Variants in PRKG1 observed in about 807,000 individuals in gnomAD.
The protein encoded by PRKG1 is cGMP-dependent protein kinase 1.
A neutral mutation model predicts 88.1 loss-of-function variants in PRKG1; 35 were observed. The ratio of observed to expected loss-of-function variants is 0.40; its 90% CI spans 0.30 to 0.53. The LOEUF (loss-of-function observed/expected upper bound fraction) is 0.53, where lower values mean the gene tolerates loss of function less well. Ranked by LOEUF, PRKG1 falls within the 20% of genes least tolerant of loss-of-function variation. PRKG1 has a pLI of 0.59. For synonymous variants in PRKG1, 303 were observed against 292.5 expected, an observed-to-expected ratio of 1.04 and a Z score of -0.37; for missense variants, 540 against 839.8, an observed-to-expected ratio of 0.64 and a Z score of 4.41.
intron 5 of PRKG1, chr10:51,909,407 G>A (rs545635069): frequency 6.6e-6 from 1 of 151,908 alleles, no homozygotes; most frequent in Admixed American, 6.5e-5. Context: ...ATAAAACCAT[G>A]AATCGATCTT....
intron 2 of PRKG1, among the ~76,000 whole-genome samples, chr10:51,440,647 G>A (rs948025218): frequency 6.6e-6 from 1 of 151,930 alleles, no homozygotes; most frequent in Non-Finnish European, 1.5e-5. Flanking sequence ...TAGAGTTTGT[G>A]ATCATTATAA....
At chr10:51,933,811 G>T (rs1003622720) in intron 5 of PRKG1, among the ~76,000 whole-genome samples, 6 of 152,016 alleles carry the variant, frequency 3.9e-5, no homozygotes, top group African/African-American at 1.2e-4. Context: ...ATAAGAAGAA[G>T]AAGATTTTAC....
At position 51,230,124 on chromosome 10, in the gene PRKG1, CTAAG is replaced by C. The variant is rs552312124; in HGVS notation, c.478+76798_478+76801del. Among the ~76,000 whole-genome samples, 378 of 151,902 alleles carry C rather than the reference CTAAG, an allele frequency of 2.5e-3. 3 individuals are homozygous for C. The highest frequency in any genetic ancestry group is 4.4e-3 in the South Asian group (21 of 4,814). ...AGAAACTAAATGTTCAGAAAACTAA[CTAAG>C]TAAATGAAAGAACATTTATTCAGTG... On this transcript the variant is annotated intron_variant, in intron 2 of 17. Coordinates refer to ENST00000373980, the MANE Select transcript of PRKG1 (RefSeq NM_006258.4).
At chr10:51,156,078 A>C (rs1463915691) in intron 2 of PRKG1, among the ~76,000 whole-genome samples, 3 of 151,944 alleles carry the variant, frequency 2.0e-5, no homozygotes, top group African/African-American at 7.2e-5. Context: ...ACCTAACATG[A>C]TTCAACAACC....
chr10:51,991,701 G>A (rs561705533), intron 5 of PRKG1, among the ~76,000 whole-genome samples: 1 of 152,274 alleles, frequency 6.6e-6, no homozygotes, highest in East Asian at 1.9e-4. Context: ...CCCTACAAAG[G>A]ACATGAACTC....
intron 2 of PRKG1, among the ~76,000 whole-genome samples, chr10:51,180,928 C>G (rs1837324584): frequency 6.6e-6 from 1 of 152,112 alleles, no homozygotes; most frequent in Admixed American, 6.5e-5. Context: ...TGAAAATGAA[C>G]TCTTTAGGGC....
intron 1 of PRKG1, among the ~76,000 whole-genome samples, chr10:51,030,125 A>ATAT (rs1843263109): frequency 6.6e-6 from 1 of 152,134 alleles, no homozygotes; most frequent in African/African-American, 2.4e-5. Flanking sequence ...ATTTTCAATA[A>ATAT]AAGGCTGTTG....
intron 2 of PRKG1, among the ~76,000 whole-genome samples, chr10:51,442,490 C>T (rs1449146178): frequency 6.6e-6 from 1 of 151,874 alleles, no homozygotes; most frequent in Non-Finnish European, 1.5e-5. Context: ...TTCAGCATAT[C>T]TCTGTTCTTA....
intron 5 of PRKG1, among the ~76,000 whole-genome samples, chr10:51,918,307 T>G (rs982935175): frequency 4.0e-5 from 6 of 151,884 alleles, no homozygotes; most frequent in Admixed American, 2.6e-4. Context: ...AGGTTGTACT[T>G]CCTTCTGAAA....
intron 2 of PRKG1, among the ~76,000 whole-genome samples, chr10:51,369,571 G>T (rs1035583812): frequency 7.2e-5 from 11 of 152,076 alleles, no homozygotes; most frequent in Admixed American, 7.2e-4. Flanking sequence ...GGGCTGTAGG[G>T]TGTAGAAGAG....
intron 3 of PRKG1, among the ~76,000 whole-genome samples, chr10:51,636,014 T>C (rs910913100): frequency 6.6e-6 from 1 of 152,130 alleles, no homozygotes; most frequent in Non-Finnish European, 1.5e-5. Flanking sequence ...AATCAGGAAA[T>C]CTATGGTAGC....
intron 3 of PRKG1, among the ~76,000 whole-genome samples, chr10:51,537,295 T>C (rs1842180849): frequency 6.6e-6 from 1 of 152,214 alleles, no homozygotes. Context: ...AAATTTTTAG[T>C]AAATGAATGA....
At chr10:51,162,404 G>T (rs1846386675) in intron 2 of PRKG1, among the ~76,000 whole-genome samples, 1 of 152,064 alleles carries the variant, frequency 6.6e-6, no homozygotes, top group Non-Finnish European at 1.5e-5. Flanking sequence ...TTATATTTAG[G>T]CCCTTCTATA....
chr10:51,922,656 T>C (rs1350037645), intron 5 of PRKG1, among the ~76,000 whole-genome samples: 2 of 151,992 alleles, frequency 1.3e-5, no homozygotes, highest in East Asian at 3.8e-4. Context: ...CTTTGAGCCA[T>C]ATGTTATTTT....
At chr10:51,969,812 C>T (rs949006790) in intron 5 of PRKG1, among the ~76,000 whole-genome samples, 7 of 151,684 alleles carry the variant, frequency 4.6e-5, no homozygotes, top group African/African-American at 7.3e-5. Context: ...TATACTCTGC[C>T]GATAGGATAC....
chr10:52,237,299 G>A (rs1840713395), intron 9 of PRKG1, among the ~76,000 whole-genome samples: 1 of 146,542 alleles, frequency 6.8e-6, no homozygotes, highest in Non-Finnish European at 1.5e-5. Flanking sequence ...ATTCAACACA[G>A]TGTTGGAAGT....
chr10:51,978,639 T>G (rs1843912204), intron 5 of PRKG1, among the ~76,000 whole-genome samples: 1 of 151,882 alleles, frequency 6.6e-6, no homozygotes, highest in South Asian at 2.1e-4. Context: ...GATTTCTCTG[T>G]GAATGTTTTG....
chr10:52,271,314 T>C (rs780544542), intron 10 of PRKG1, 36 bp from the exon 11 acceptor site: 1 of 1,601,802 alleles, frequency 6.2e-7, no homozygotes, highest in Non-Finnish European at 8.5e-7. Context: ...TACAAGTCTA[T>C]GGGCTTTTTC....
chr10:51,059,356 A>G (rs764543529), intron 1 of PRKG1, among the ~76,000 whole-genome samples: 34 of 152,092 alleles, frequency 2.2e-4, no homozygotes, highest in Non-Finnish European at 4.0e-4. Context: ...TTTAACAGAT[A>G]AGTACTGTCT....
Sources: gnomAD v4.1 joint callset for allele counts (sites outside exome capture counted in the v4.1 genomes callset) on GRCh38, gnomAD v4.1.1 for gene constraint, MANE v1.5 for transcripts, NCBI Gene and HGNC (gene_info 2026-07-23, HGNC 2026-07-21) for gene names.